Variants in BRWD1 observed in about 807,000 individuals in gnomAD.
BRWD1 encodes the protein bromodomain and WD repeat domain containing 1, also known as bromodomain and WD repeat-containing protein 1.
Under a neutral mutation model 251.2 loss-of-function variants are expected in BRWD1, and 82 were observed. The observed-to-expected ratio is 0.33, with a 90% CI of 0.27 to 0.39. BRWD1 has a LOEUF of 0.39. BRWD1 is among the 10% of genes least tolerant of loss of function. The pLI, the probability that BRWD1 is intolerant of heterozygous loss-of-function variation, is 1.00. For synonymous variants in BRWD1, 918 were observed against 902.8 expected, an observed-to-expected ratio of 1.02 and a Z score of -0.30; for missense variants, 2,233 against 2,711.6, an observed-to-expected ratio of 0.82 and a Z score of 3.92.
intron 21 of BRWD1, among the ~76,000 whole-genome samples, chr21:39,241,281 C>T (rs1171372799): frequency 6.6e-6 from 1 of 151,218 alleles, no homozygotes; most frequent in Non-Finnish European, 1.5e-5. Context: ...GCATGGCCAA[C>T]ATGGTGAAAC....
At chr21:39,235,558 G>T in intron 23 of BRWD1, 1 of 205,764 alleles carries the variant, frequency 4.9e-6, no homozygotes. Context: ...TCCAGTGTTT[G>T]GAGAAGATCT....
chr21:39,226,622 G>A (rs1292614371), intron 27 of BRWD1, among the ~76,000 whole-genome samples: 1 of 152,172 alleles, frequency 6.6e-6, no homozygotes, highest in Non-Finnish European at 1.5e-5. Flanking sequence ...ACCTGCTAAT[G>A]TTGCTTCATG....
intron 9 of BRWD1, among the ~76,000 whole-genome samples, chr21:39,279,674 C>T (rs905482161): frequency 8.9e-5 from 12 of 135,388 alleles, no homozygotes; most frequent in Non-Finnish European, 1.8e-4. Flanking sequence ...AAAAAGAAAA[C>T]GAAAACAAAA....
chr21:39,220,287 G>T (rs2033123798), intron 29 of BRWD1, among the ~76,000 whole-genome samples: 1 of 152,180 alleles, frequency 6.6e-6, no homozygotes, highest in Non-Finnish European at 1.5e-5. Flanking sequence ...TGATAACAAA[G>T]GCCTGATGCA....
At chr21:39,263,083 G>C (rs8131091) in intron 17 of BRWD1, among the ~76,000 whole-genome samples, 141,058 of 152,220 alleles carry the variant, frequency 0.93, 65,702 homozygotes, top group African/African-American at 0.97. Flanking sequence ...CCAGCCTGGG[G>C]AAACGAGTAA....
chr21:39,223,030 T>C (rs2033240774), intron 29 of BRWD1, among the ~76,000 whole-genome samples: 1 of 152,110 alleles, frequency 6.6e-6, no homozygotes, highest in Non-Finnish European at 1.5e-5. Flanking sequence ...CCAGTAATCT[T>C]CAAAAGCCTT....
intron 37 of BRWD1, 136 bp from the exon 38 acceptor site, chr21:39,202,681 C>T (rs1019926921): frequency 3.2e-6 from 2 of 619,304 alleles, no homozygotes; most frequent in African/African-American, 3.7e-5. Flanking sequence ...TTAAAATATT[C>T]ACTATTAACA....
At chr21:39,269,340 A>AC (rs2035030180) in intron 15 of BRWD1, among the ~76,000 whole-genome samples, 1 of 145,788 alleles carries the variant, frequency 6.9e-6, no homozygotes, top group South Asian at 2.2e-4. Context: ...CCATCTTGGG[A>AC]TTTTTTTTTT....
At chr21:39,215,177 G>A (rs1428851657) in intron 32 of BRWD1, 60 bp downstream of exon 32, 2 of 1,564,454 alleles carry the variant, frequency 1.3e-6, no homozygotes, top group Non-Finnish European at 1.8e-6. Context: ...GGCAAAACTA[G>A]ATGATTGTTA....
upstream of BRWD1, chr21:39,313,748 G>A (rs1360022558): frequency 5.1e-6 from 2 of 390,690 alleles, no homozygotes; most frequent in African/African-American, 2.2e-5. Context: ...TCCCGCCCGG[G>A]GAGGCGAACC....
intron 20 of BRWD1, 150 bp from the exon 21 acceptor site, chr21:39,247,982 A>G (rs1400148456): frequency 2.1e-6 from 2 of 940,640 alleles, no homozygotes; most frequent in African/African-American, 1.7e-5. Flanking sequence ...ATACAGTTTT[A>G]ACTCAAGCTT....
Position 39,196,125 on chromosome 21 carries a change from TCA to T in BRWD1, c.*132_*133del. The T allele has an allele frequency of 7.0e-7, 1 of 1,436,640 alleles. No homozygotes were observed. Among genetic ancestry groups the T allele is most frequent in the Middle Eastern group, 2.0e-4 (1 of 5,042 alleles). The allele number at this position is 1,436,640 out of a possible 1,614,324, so 89.0% of individuals were successfully genotyped here. ...AATAAAAATAACAGTCATGATTTAGTCACATTCATAACTTTTCATAGAAAAAT... is the reference window on the plus strand; with the variant it reads ...AATAAAAATAACAGTCATGATTTAGTCATTCATAACTTTTCATAGAAAAAT... On this transcript the variant is annotated 3_prime_UTR_variant, in exon 41 of 41. Transcript: ENST00000342449.
chr21:39,280,372 G>C (rs1601449466), intron 8 of BRWD1, 124 bp from the exon 9 acceptor site: 2 of 689,434 alleles, frequency 2.9e-6, no homozygotes, highest in South Asian at 3.6e-5. Flanking sequence ...CCAAAATATA[G>C]GTAATACTAC....
intron 17 of BRWD1, among the ~76,000 whole-genome samples, chr21:39,261,400 C>A (rs1179147085): frequency 6.6e-6 from 1 of 152,090 alleles, no homozygotes; most frequent in Non-Finnish European, 1.5e-5. Flanking sequence ...ACGTACACTT[C>A]CAGTTTTAAT....
chr21:39,197,579 G>T (rs544818978), intron 40 of BRWD1, among the ~76,000 whole-genome samples, 164 bp from the exon 41 acceptor site: 1 of 152,298 alleles, frequency 6.6e-6, no homozygotes, highest in South Asian at 2.1e-4. Context: ...TCAACAGCAA[G>T]GATACGTTCT....
At position 39,252,760 on chromosome 21, in the gene BRWD1, C is replaced by CTG. The variant is rs1199487705; in HGVS notation, c.2256-1873_2256-1872dup. ...GGTTCTTTGCTGCTCTAAATAGATA[C>CTG]TGTGTTACCTACTCTCCTCCTTAGC... On this transcript the variant is annotated intron_variant, in intron 19 of 40. Coordinates refer to ENST00000342449, the MANE Select transcript of BRWD1 (RefSeq NM_033656.4). 6.6e-5 allele frequency among the ~76,000 whole-genome samples: 10 copies of CTG among 152,302 alleles called. No homozygotes were observed. The South Asian group carries it at 1.9e-3, about 28-fold the overall frequency.
intron 8 of BRWD1, among the ~76,000 whole-genome samples, chr21:39,288,383 T>C (rs961887656): frequency 1.3e-5 from 2 of 152,228 alleles, no homozygotes; most frequent in Non-Finnish European, 2.9e-5. Context: ...AAGGCAAGAA[T>C]CACTGGGCAC....
chr21:39,215,100 C>CCGT, intron 32 of BRWD1, 137 bp downstream of exon 32: 1 of 757,418 alleles, frequency 1.3e-6, no homozygotes. Context: ...AAATGCCTGA[C>CCGT]CGCAAGTGAT....
chr21:39,306,146 T>C (rs1008433673), intron 4 of BRWD1, among the ~76,000 whole-genome samples: 8 of 151,058 alleles, frequency 5.3e-5, no homozygotes, highest in African/African-American at 1.9e-4. Flanking sequence ...CTTGGCTCAC[T>C]GCAACCTCTG....
Sources: allele counts gnomAD v4.1 joint callset (sites outside exome capture counted in the v4.1 genomes callset), GRCh38; gene constraint gnomAD v4.1.1; transcripts MANE v1.5; gene names NCBI Gene and HGNC (gene_info 2026-07-23, HGNC 2026-07-21).